The following EXOC6B variants were observed in gnomAD, a reference collection of about 807,000 sequenced individuals.
EXOC6B encodes the protein exocyst complex component 6B.
Under a neutral mutation model 113.5 loss-of-function variants are expected in EXOC6B, and 54 were observed. The ratio of observed to expected loss-of-function variants is 0.48; its 90% CI spans 0.38 to 0.60. EXOC6B has a LOEUF of 0.60. EXOC6B is among the 20% of genes least tolerant of loss of function. EXOC6B has a pLI of 0.00. For synonymous variants in EXOC6B, 357 were observed against 339.0 expected (o/e 1.05, Z -0.58); for missense variants, 797 against 977.5 (o/e 0.82, Z 2.46).
At chr2:72,623,056 T>C (rs970644246) in intron 6 of EXOC6B, among the ~76,000 whole-genome samples, 1 of 152,212 alleles carries the variant, frequency 6.6e-6, no homozygotes, top group African/African-American at 2.4e-5. Flanking sequence ...TATCTTGATC[T>C]GGGTGCTGGT....
At chr2:72,584,825 G>A (rs1213188555) in intron 6 of EXOC6B, among the ~76,000 whole-genome samples, 1 of 152,030 alleles carries the variant, frequency 6.6e-6, no homozygotes, top group Non-Finnish European at 1.5e-5. Flanking sequence ...AGAGCACAGT[G>A]GAATAAAAAC....
At chr2:72,483,919 C>T (rs1419993443) in intron 16 of EXOC6B, among the ~76,000 whole-genome samples, 2 of 151,860 alleles carry the variant, frequency 1.3e-5, no homozygotes, top group African/African-American at 4.8e-5. Context: ...ATTTCAAGGA[C>T]ATAAAACTAA....
intron 19 of EXOC6B, among the ~76,000 whole-genome samples, chr2:72,358,671 A>G (rs1690115208): frequency 6.6e-6 from 1 of 152,186 alleles, no homozygotes. Context: ...GATTTTAATT[A>G]TTATGTATTA....
intron 17 of EXOC6B, among the ~76,000 whole-genome samples, chr2:72,467,886 T>C (rs1325159459): frequency 7.2e-5 from 11 of 152,116 alleles, no homozygotes; most frequent in Non-Finnish European, 1.2e-4. Flanking sequence ...TTCTCCTGCC[T>C]CACCCTCCCG....
At chr2:72,802,727 C>T (rs1685359734) in intron 1 of EXOC6B, among the ~76,000 whole-genome samples, 1 of 152,142 alleles carries the variant, frequency 6.6e-6, no homozygotes, top group African/African-American at 2.4e-5. Flanking sequence ...AGACCTAAAC[C>T]TACTTCCTTT....
intron 6 of EXOC6B, among the ~76,000 whole-genome samples, chr2:72,649,190 T>C (rs1288326416): frequency 1.3e-5 from 2 of 152,104 alleles, no homozygotes; most frequent in African/African-American, 2.4e-5. Flanking sequence ...AGAATGATGT[T>C]TACCACAGGC....
chr2:72,671,799 GA>G (rs1159476731), intron 6 of EXOC6B, among the ~76,000 whole-genome samples: 4 of 117,696 alleles, frequency 3.4e-5, no homozygotes, highest in African/African-American at 9.5e-5. Flanking sequence ...AAGAAAGAAA[GA>G]AAGAAAGAAA....
intron 20 of EXOC6B, among the ~76,000 whole-genome samples, chr2:72,215,779 G>C (rs986874271): frequency 6.6e-6 from 1 of 152,116 alleles, no homozygotes; most frequent in African/African-American, 2.4e-5. Flanking sequence ...GGAAACAGGG[G>C]AGGAGACCAG....
chr2:72,483,610 T>C (rs1408325508), intron 16 of EXOC6B, among the ~76,000 whole-genome samples: 10 of 152,334 alleles, frequency 6.6e-5, no homozygotes, highest in East Asian at 5.8e-4. Flanking sequence ...GAGCATAGAA[T>C]AGACTATTGA....
chr2:72,323,714 T>C (rs189576812), intron 20 of EXOC6B, among the ~76,000 whole-genome samples: 42 of 151,966 alleles, frequency 2.8e-4, no homozygotes, highest in African/African-American at 7.5e-4. Flanking sequence ...AAACCATCAT[T>C]CTCAGCAAAC....
chr2:72,683,749 A>G (rs1488734804), intron 6 of EXOC6B, among the ~76,000 whole-genome samples: 1 of 152,124 alleles, frequency 6.6e-6, no homozygotes, highest in African/African-American at 2.4e-5. Flanking sequence ...TTCTAAGCCA[A>G]TTACTATTCT....
intron 18 of EXOC6B, among the ~76,000 whole-genome samples, chr2:72,438,411 C>T (rs1696008769): frequency 6.6e-6 from 1 of 151,906 alleles, no homozygotes; most frequent in South Asian, 2.1e-4. Flanking sequence ...GAGTTTGAGA[C>T]CAGCCTGTGC....
At chr2:72,383,143 G>A (rs2105077073) in intron 18 of EXOC6B, among the ~76,000 whole-genome samples, 1 of 152,180 alleles carries the variant, frequency 6.6e-6, no homozygotes, top group East Asian at 1.9e-4. Flanking sequence ...ACTGACAAAT[G>A]GGATCTAATT....
intron 5 of EXOC6B, among the ~76,000 whole-genome samples, chr2:72,727,803 C>T (rs1162920895): frequency 3.3e-5 from 5 of 151,938 alleles, no homozygotes; most frequent in East Asian, 3.8e-4. Context: ...AAAACTTCTA[C>T]GCAACAAAAA....
intron 1 of EXOC6B, among the ~76,000 whole-genome samples, chr2:72,786,825 G>C (rs1684401864): frequency 1.3e-5 from 2 of 152,148 alleles, no homozygotes; most frequent in Non-Finnish European, 2.9e-5. Flanking sequence ...GTATGCTTTT[G>C]TTGAAAAAAT....
chr2:72,741,082 C>T (rs1681288550), intron 2 of EXOC6B, among the ~76,000 whole-genome samples: 1 of 150,810 alleles, frequency 6.6e-6, no homozygotes, highest in Non-Finnish European at 1.5e-5. Flanking sequence ...CCAGCCTGGG[C>T]GACAGAGCGA....
At chr2:72,509,544 A>G (rs1700783882) in intron 11 of EXOC6B, among the ~76,000 whole-genome samples, 1 of 152,202 alleles carries the variant, frequency 6.6e-6, no homozygotes, top group Non-Finnish European at 1.5e-5. Flanking sequence ...CATAAATTAT[A>G]AAGTAAATAT....
intron 1 of EXOC6B, among the ~76,000 whole-genome samples, chr2:72,796,972 T>C (rs1362586772): frequency 1.3e-5 from 2 of 152,238 alleles, no homozygotes; most frequent in East Asian, 1.9e-4. Flanking sequence ...GTTAATGCTA[T>C]ACAAATATAT....
chr2:72,601,093 T>C (rs187061046), intron 6 of EXOC6B, among the ~76,000 whole-genome samples: 2 of 151,820 alleles, frequency 1.3e-5, no homozygotes, highest in East Asian at 1.9e-4. Context: ...TATAGACTTG[T>C]ATGGCTACAT....
Sources: gnomAD v4.1 joint callset for allele counts (sites outside exome capture counted in the v4.1 genomes callset) on GRCh38, gnomAD v4.1.1 for gene constraint, MANE v1.5 for transcripts, NCBI Gene and HGNC (gene_info 2026-07-23, HGNC 2026-07-21) for gene names.